Variants in SOX1 observed in about 807,000 individuals in gnomAD.
SOX1 encodes the protein transcription factor SOX-1.
Under a neutral mutation model 0.9 loss-of-function variants are expected in SOX1, and 1 was observed. The ratio of observed to expected loss-of-function variants is 1.07; its 90% CI spans 0.38 to 5.06. The LOEUF (loss-of-function observed/expected upper bound fraction) is 5.06. Ranked by LOEUF, SOX1 falls within the 30% of genes most tolerant of loss-of-function variation. SOX1 has a pLI of 0.16. For missense variants in SOX1, 564 were observed against 534.4 expected (o/e 1.06, Z -0.55); for synonymous variants, 397 against 265.5 (o/e 1.50, Z -4.81).
At position 112,068,485 on chromosome 13, in the gene SOX1, T is replaced by A; in HGVS notation, c.827T>A (p.Leu276His). 2 of 1,055,058 alleles carry A rather than the reference T, an allele frequency of 1.9e-6. No individual in the cohort carries two copies. The highest frequency in any genetic ancestry group is 5.9e-5 in the Admixed American group (1 of 16,966). The allele number at this position is 1,055,058 out of a possible 1,614,324, so 65.4% of individuals were successfully genotyped here. A position where few individuals can be genotyped will look rare whatever the true frequency, so the allele number is the denominator to read the frequency against. The part of the protein sequence containing the change: ...MSASPSGYGG[L>H]PYGAAAAAAA... Reference sequence around the variant, plus strand: ...GCGTCGCCCTCGGGCTACGGCGGCCTCCCCTACGGCGCCGCGGCCGCCGCC... The same window carrying A: ...GCGTCGCCCTCGGGCTACGGCGGCCACCCCTACGGCGCCGCGGCCGCCGCC... The change falls in exon 1 of 1, where the codon CTC (leucine) becomes CAC (histidine). Residue 276 changes from leucine to histidine, a missense_variant. Physicochemically the swap from Leu to His is moderately conservative, Grantham distance 99. Transcript: ENST00000330949. The surrounding 1 kb of genome is among the most constrained non-coding windows in gnomAD (Gnocchi z 6.9).
In SOX1 at chr13:112,068,726, G is replaced by A. The variant is rs772787056; in HGVS notation, c.1068G>A (p.Pro356=). ...TGCCCGCCGGCGAGGGGGGCGACCCGGCGGCGGCAGCAGCGGCCGCGGCGC... is the reference window on the plus strand; with the variant it reads ...TGCCCGCCGGCGAGGGGGGCGACCCAGCGGCGGCAGCAGCGGCCGCGGCGC... ...MYLPAGEGGD[P]AAAAAAAAQS... is the part of the protein sequence containing the mutation. Residue 356 remains proline, a synonymous_variant, in exon 1 of 1, where the codon CCG becomes CCA. Coordinates refer to ENST00000330949, the MANE Select transcript of SOX1 (RefSeq NM_005986.3). The surrounding 1 kb of genome is among the most constrained non-coding windows in gnomAD (Gnocchi z 6.9). The A allele has an allele frequency of 1.8e-5, 21 of 1,186,896 alleles. No homozygotes were observed. The highest frequency in any genetic ancestry group is 3.2e-5 in the African/African-American group (2 of 62,390). 73.5% of individuals were successfully genotyped at this position (1,186,896 alleles called of 1,614,324 possible). A position where few individuals can be genotyped will look rare whatever the true frequency, so the allele number is the denominator to read the frequency against.
At position 112,067,953 on chromosome 13, in the gene SOX1, C is replaced by T; in HGVS notation, c.295C>T (p.Pro99Ser). ...GGTCATGTCCGAGGCCGAGAAGCGG[C>T]CGTTCATCGACGAGGCCAAGCGGCT... ...WKVMSEAEKR[P>S]FIDEAKRLRA... Residue 99 changes from proline to serine, a missense_variant, in exon 1 of 1, where the codon CCG (proline) becomes TCG (serine). Transcript: ENST00000330949. This position sits in a 1 kb window ranked among gnomAD's most constrained non-coding sequence, Gnocchi z 5.1. 1 of 1,607,316 alleles carries T rather than the reference C, an allele frequency of 6.2e-7. No individual in the cohort carries two copies. Among genetic ancestry groups the T allele is most frequent in the Non-Finnish European group, 8.5e-7 (1 of 1,176,614 alleles).
Position 112,069,669 on chromosome 13 carries a change from G to A in SOX1, c.*835G>A. On this transcript the variant is annotated 3_prime_UTR_variant, in exon 1 of 1. Coordinates refer to ENST00000330949, the MANE Select transcript of SOX1 (RefSeq NM_005986.3). Reference sequence around the variant, plus strand: ...AATTTGTAACATGCTATTTTTATGTGCATGTTTTATGAGTTCAAAATGCAA... The same window carrying A: ...AATTTGTAACATGCTATTTTTATGTACATGTTTTATGAGTTCAAAATGCAA... 1 of 167,114 alleles carries A rather than the reference G, an allele frequency of 6.0e-6. No individual in the cohort carries two copies. 10.4% of individuals were successfully genotyped at this position (167,114 alleles called of 1,614,324 possible).
chr13:112,068,444 G>C lies in SOX1; in HGVS notation c.786G>C (p.Ser262=). 1 of 1,241,368 alleles carries C rather than the reference G, an allele frequency of 8.1e-7. No individual in the cohort carries two copies. Among genetic ancestry groups the C allele is most frequent in the Non-Finnish European group, 1.0e-6 (1 of 969,882 alleles). The allele number at this position is 1,241,368 out of a possible 1,614,324, so 76.9% of individuals were successfully genotyped here. ...GALQYSPISN[S]QGYMSASPSG... ...TGCAGTACAGCCCCATCTCCAACTC[G>C]CAGGGCTACATGAGCGCGTCGCCCT... Residue 262 remains serine (S), a synonymous_variant, in exon 1 of 1, where the codon TCG becomes TCC. Transcript: ENST00000330949. The surrounding 1 kb of genome is among the most constrained non-coding windows in gnomAD (Gnocchi z 6.9).
chr13:112,068,199 T>A lies in SOX1; in HGVS notation c.541T>A (p.Tyr181Asn). ...ESPGGAAGGG[Y>N]AHVNGWANGA... ...CCCAGGCGGCGCGGCGGGCGGCGGC[T>A]ACGCGCACGTCAACGGCTGGGCCAA... Residue 181 changes from tyrosine (Y) to asparagine (N), a missense_variant, in exon 1 of 1, where the codon TAC becomes AAC. By Grantham distance (143) the Tyr-to-Asn change is moderately radical (BLOSUM62 -2). Transcript: ENST00000330949. This position sits in a 1 kb window ranked among gnomAD's most constrained non-coding sequence, Gnocchi z 6.9. 1 of 780,416 alleles carries A rather than the reference T, an allele frequency of 1.3e-6. No individual in the cohort carries two copies. Among genetic ancestry groups the A allele is most frequent in the Non-Finnish European group, 1.6e-6 (1 of 643,170 alleles). The allele number at this position is 780,416 out of a possible 1,614,324, so 48.3% of individuals were successfully genotyped here.
At position 112,071,661 on chromosome 13, in the gene SOX1, T is replaced by TTATAA. The variant is rs1875879743; in HGVS notation, c.*2830_*2831insAATAT. 6.6e-6 allele frequency among the ~76,000 whole-genome samples: 1 copy of TTATAA among 152,102 alleles called. No homozygotes were observed. Among genetic ancestry groups the TTATAA allele is most frequent in the South Asian group, 2.1e-4 (1 of 4,826 alleles). The stretch of plus-strand genomic sequence containing the variant: ...GGAGTGAAATACTATATGATGATAG[T>TTATAA]TATTATATTATATGACGACTTCATT... On this transcript the variant is annotated 3_prime_UTR_variant, in exon 1 of 1. Transcript: ENST00000330949.
chr13:112,069,513 A>G lies in SOX1; in HGVS notation c.*679A>G, dbSNP rs928193227. 1.8e-5 allele frequency: 3 copies of G among 166,834 alleles called. No individual in the cohort carries two copies. The highest frequency in any genetic ancestry group is 7.3e-5 in the African/African-American group (3 of 41,356). The allele number at this position is 166,834 out of a possible 1,614,324, so 10.3% of individuals were successfully genotyped here. ...TGAAAAATTTTATTTTCGGCGTTGC[A>G]ATGCGGGGAGGAGAAGTCAGATTAT... is the stretch of plus-strand genomic sequence containing the variant. On this transcript the variant is annotated 3_prime_UTR_variant, in exon 1 of 1. Transcript: ENST00000330949.
Position 112,068,900 on chromosome 13 carries a change from GC to G in SOX1, c.*70del. ...AGCTCGCGGCCCGCGCCCGGCTCCC[GC>G]CCCGCCCCGGCGCGGCGTGGCTTTT... On this transcript the variant is annotated 3_prime_UTR_variant, in exon 1 of 1. Transcript: ENST00000330949. The surrounding 1 kb of genome is among the most constrained non-coding windows in gnomAD (Gnocchi z 6.9). 8.7e-7 allele frequency: 1 copy of G among 1,152,010 alleles called. No individual in the cohort carries two copies. The highest frequency in any genetic ancestry group is 1.1e-6 in the Non-Finnish European group (1 of 921,278). The allele number at this position is 1,152,010 out of a possible 1,614,324, so 71.4% of individuals were successfully genotyped here.
In SOX1 at chr13:112,067,760, A is replaced by AGGCGGGGGCGGC; in HGVS notation, c.108_119dup (p.Gly40_Gly43dup). 4 of 1,256,078 alleles carry AGGCGGGGGCGGC rather than the reference A, an allele frequency of 3.2e-6. No homozygotes were observed. The highest frequency in any genetic ancestry group is 4.0e-6 in the Non-Finnish European group (4 of 994,362). 77.8% of individuals were successfully genotyped at this position (1,256,078 alleles called of 1,614,324 possible). ...CCGGGGCGGGCGGCGGCGGGGGCGGAGGCGGGGGCGGCGGCGGCGGCGGGG... is the reference window on the plus strand; with the variant it reads ...CCGGGGCGGGCGGCGGCGGGGGCGGAGGCGGGGGCGGCGGCGGGGGCGGCGGCGGCGGCGGGG... On this transcript the variant is annotated inframe_insertion, in exon 1 of 1. Transcript: ENST00000330949. This position sits in a 1 kb window ranked among gnomAD's most constrained non-coding sequence, Gnocchi z 5.1.
rs535600370 is a variant in SOX1, at chr13:112,069,546, G to C, written c.*712G>C. On this transcript the variant is annotated 3_prime_UTR_variant, in exon 1 of 1. Transcript: ENST00000330949. ...GAGGAGAAGTCAGATTATGTACATA[G>C]TTTTCTAAAAAGCCTTTCTTCTAAA... The C allele has an allele frequency of 8.7e-4, 146 of 166,864 alleles. No homozygotes were observed. The highest frequency in any genetic ancestry group is 1.9e-3 in the Non-Finnish European group (126 of 68,072). 10.3% of individuals were successfully genotyped at this position (166,864 alleles called of 1,614,324 possible).
rs1053704653 is a variant in SOX1 at position 112,068,279 on chromosome 13, G to A, written c.621G>A (p.Gln207=). ...AAAAAAAAMM[Q]EAQLAYGQHP... ...CGGCGGCGGCCGCGGCCATGATGCA[G>A]GAGGCGCAGCTGGCCTACGGGCAGC... Residue 207 remains glutamine (Q), a synonymous_variant, in exon 1 of 1, where the codon CAG becomes CAA. Transcript: ENST00000330949. This position sits in a 1 kb window ranked among gnomAD's most constrained non-coding sequence, Gnocchi z 6.9. The A allele has an allele frequency of 1.8e-5, 16 of 888,532 alleles. No individual in the cohort carries two copies. The highest frequency in any genetic ancestry group is 7.5e-5 in the African/African-American group (4 of 53,686). 55.0% of individuals were successfully genotyped at this position (888,532 alleles called of 1,614,324 possible). A position where few individuals can be genotyped will look rare whatever the true frequency, so the allele number is the denominator to read the frequency against.
chr13:112,068,094 G>A lies in SOX1; in HGVS notation c.436G>A (p.Ala146Thr). Reference sequence around the variant, plus strand: ...GGCCGGCGGGCTCCTGGCGGCCGGCGCGGGTGGCGGCGGCGCGGCTGTGGC... The same window carrying A: ...GGCCGGCGGGCTCCTGGCGGCCGGCACGGGTGGCGGCGGCGCGGCTGTGGC... ...SLAGGLLAAG[A>T]GGGGAAVAMG... The change falls in exon 1 of 1, where the codon GCG becomes ACG. Residue 146 changes from alanine to threonine, a missense_variant. Transcript: ENST00000330949. The surrounding 1 kb of genome is among the most constrained non-coding windows in gnomAD (Gnocchi z 6.9). 6.6e-7 allele frequency: 1 copy of A among 1,524,768 alleles called. No individual in the cohort carries two copies. Among genetic ancestry groups the A allele is most frequent in the Non-Finnish European group, 8.8e-7 (1 of 1,134,216 alleles). 94.5% of individuals were successfully genotyped at this position (1,524,768 alleles called of 1,614,324 possible).
At position 112,067,735 on chromosome 13, in the gene SOX1, CCGGGGCGGGCGGCGG is replaced by C; in HGVS notation, c.83_97del (p.Ala28_Gly32del). 1 of 1,232,868 alleles carries C rather than the reference CCGGGGCGGGCGGCGG, an allele frequency of 8.1e-7. No homozygotes were observed. Among genetic ancestry groups the C allele is most frequent in the Non-Finnish European group, 1.0e-6 (1 of 982,396 alleles). The allele number at this position is 1,232,868 out of a possible 1,614,324, so 76.4% of individuals were successfully genotyped here. On this transcript the variant is annotated inframe_deletion, in exon 1 of 1. Transcript: ENST00000330949. The surrounding 1 kb of genome is among the most constrained non-coding windows in gnomAD (Gnocchi z 5.1). ...GCCCCCACGAACCTCTCGGGCCCCG[CCGGGGCGGGCGGCGG>C]CGGGGGCGGAGGCGGGGGCGGCGGC...
chr13:112,067,361 G>A lies in SOX1; in HGVS notation c.-298G>A, dbSNP rs1314980876. ...CGACTGCACCTGTTTGCACCGCTCC[G>A]CCGAGGGCGCCTGGGCTGCGGTGGC... On this transcript the variant is annotated 5_prime_UTR_variant, in exon 1 of 1. Transcript: ENST00000330949. This position sits in a 1 kb window ranked among gnomAD's most constrained non-coding sequence, Gnocchi z 5.1. 1.3e-5 allele frequency among the ~76,000 whole-genome samples: 2 copies of A among 152,180 alleles called. No homozygotes were observed. The highest frequency in any genetic ancestry group is 1.3e-4 in the Admixed American group (2 of 15,286).
In SOX1 at chr13:112,068,458, G is replaced by C; in HGVS notation, c.800G>C (p.Ser267Thr). 1 of 1,202,620 alleles carries C rather than the reference G, an allele frequency of 8.3e-7. No homozygotes were observed. The highest frequency in any genetic ancestry group is 1.1e-6 in the Non-Finnish European group (1 of 948,750). The allele number at this position is 1,202,620 out of a possible 1,614,324, so 74.5% of individuals were successfully genotyped here. A position where few individuals can be genotyped will look rare whatever the true frequency, so the allele number is the denominator to read the frequency against. Reference sequence around the variant, plus strand: ...ATCTCCAACTCGCAGGGCTACATGAGCGCGTCGCCCTCGGGCTACGGCGGC... The same window carrying C: ...ATCTCCAACTCGCAGGGCTACATGACCGCGTCGCCCTCGGGCTACGGCGGC... ...SPISNSQGYMSASPSGYGGLP... is the reference protein window; with the variant it reads ...SPISNSQGYMTASPSGYGGLP... The change falls in exon 1 of 1, where the codon AGC becomes ACC. Residue 267 changes from serine to threonine, a missense_variant. Transcript: ENST00000330949. The surrounding 1 kb of genome is among the most constrained non-coding windows in gnomAD (Gnocchi z 6.9).
Position 112,068,655 on chromosome 13 carries a change from C to G in SOX1, c.997C>G (p.Arg333Gly), listed in dbSNP as rs1181298105. The G allele has an allele frequency of 1.7e-6, 2 of 1,163,342 alleles. No individual in the cohort carries two copies. Among genetic ancestry groups the G allele is most frequent in the Non-Finnish European group, 2.1e-6 (2 of 944,282 alleles). The allele number at this position is 1,163,342 out of a possible 1,614,324, so 72.1% of individuals were successfully genotyped here. A position where few individuals can be genotyped will look rare whatever the true frequency, so the allele number is the denominator to read the frequency against. The change falls in exon 1 of 1, where the codon CGG (arginine) becomes GGG (glycine). Residue 333 changes from arginine (R) to glycine (G), a missense_variant. Physicochemically the swap from Arg to Gly is moderately radical, Grantham distance 125 (BLOSUM62 -2). Coordinates refer to ENST00000330949, the MANE Select transcript of SOX1 (RefSeq NM_005986.3). The surrounding 1 kb of genome is among the most constrained non-coding windows in gnomAD (Gnocchi z 6.9). ...CAGCCCGCCCGCCCCAGCGCACTCGCGGGCGCCGTGCCCCGGGGACCTGCG... is the reference window on the plus strand; with the variant it reads ...CAGCCCGCCCGCCCCAGCGCACTCGGGGGCGCCGTGCCCCGGGGACCTGCG... ...SGSPPAPAHS[R>G]APCPGDLREM...
At position 112,068,875 on chromosome 13, in the gene SOX1, A is replaced by T; in HGVS notation, c.*41A>T. 3.3e-6 allele frequency: 4 copies of T among 1,194,244 alleles called. No homozygotes were observed. The highest frequency in any genetic ancestry group is 4.2e-6 in the Non-Finnish European group (4 of 954,492). The allele number at this position is 1,194,244 out of a possible 1,614,324, so 74.0% of individuals were successfully genotyped here. Reference sequence around the variant, plus strand: ...GGGGACTCTGCGGCGGCGACCCACGAGCTCGCGGCCCGCGCCCGGCTCCCG... The same window carrying T: ...GGGGACTCTGCGGCGGCGACCCACGTGCTCGCGGCCCGCGCCCGGCTCCCG... On this transcript the variant is annotated 3_prime_UTR_variant, in exon 1 of 1. Coordinates refer to ENST00000330949, the MANE Select transcript of SOX1 (RefSeq NM_005986.3). The surrounding 1 kb of genome is among the most constrained non-coding windows in gnomAD (Gnocchi z 6.9).
At position 112,071,493 on chromosome 13, in the gene SOX1, T is replaced by A. The variant is rs937316397; in HGVS notation, c.*2659T>A. On this transcript the variant is annotated 3_prime_UTR_variant, in exon 1 of 1. Coordinates refer to ENST00000330949, the MANE Select transcript of SOX1 (RefSeq NM_005986.3). ...TGGGGGCAAGGAAATTAGCTGAGATTCATCTCAGGATTGAGATTCTATCCC... is the reference window on the plus strand; with the variant it reads ...TGGGGGCAAGGAAATTAGCTGAGATACATCTCAGGATTGAGATTCTATCCC... Among the ~76,000 whole-genome samples, 4 of 152,196 alleles carry A rather than the reference T, an allele frequency of 2.6e-5. No homozygotes were observed. Among genetic ancestry groups the A allele is most frequent in the African/African-American group, 9.7e-5 (4 of 41,448 alleles).
In SOX1 at chr13:112,067,742, GGGCGGCGGCGGGGGCGGA is replaced by G; in HGVS notation, c.90_107del (p.Gly38_Gly43del). ...CGAACCTCTCGGGCCCCGCCGGGGC[GGGCGGCGGCGGGGGCGGA>G]GGCGGGGGCGGCGGCGGCGGCGGGG... On this transcript the variant is annotated inframe_deletion, in exon 1 of 1. Transcript: ENST00000330949. The surrounding 1 kb of genome is among the most constrained non-coding windows in gnomAD (Gnocchi z 5.1). The G allele has an allele frequency of 6.6e-6, 8 of 1,220,174 alleles. No individual in the cohort carries two copies. Among genetic ancestry groups the G allele is most frequent in the Non-Finnish European group, 8.2e-6 (8 of 975,084 alleles). 75.6% of individuals were successfully genotyped at this position (1,220,174 alleles called of 1,614,324 possible).
Sources: gnomAD v4.1 joint callset for allele counts (sites outside exome capture counted in the v4.1 genomes callset) on GRCh38, gnomAD v4.1.1 for gene constraint, Gnocchi (gnomAD v3.1) non-coding constraint, MANE v1.5 for transcripts, NCBI Gene and HGNC (gene_info 2026-07-23, HGNC 2026-07-21) for gene names.